KALRN: variants seen among roughly 807,000 people sequenced by gnomAD.
The protein encoded by KALRN is kalirin RhoGEF kinase.
A neutral mutation model predicts 353.7 loss-of-function variants in KALRN; 70 were observed. The observed-to-expected ratio is 0.20, with a 90% CI of 0.16 to 0.24. The LOEUF (loss-of-function observed/expected upper bound fraction) is 0.24, where lower values mean the gene tolerates loss of function less well. Among genes scored for constraint, KALRN ranks in the 10% least tolerant of loss-of-function variants. KALRN has a pLI of 1.00. For missense variants in KALRN, 2,791 were observed against 3,756.7 expected (o/e 0.74, Z 6.72); for synonymous variants, 1,391 against 1,434.8 (o/e 0.97, Z 0.69).
At chr3:124,564,177 C>A (rs1245296575) in intron 34 of KALRN, among the ~76,000 whole-genome samples, 1 of 143,592 alleles carries the variant, frequency 7.0e-6, no homozygotes, top group Non-Finnish European at 1.5e-5. Flanking sequence ...CGCACTCCAG[C>A]CTGGGCGACA....
In KALRN at chr3:124,269,885, C is replaced by T. The variant is rs372638230; in HGVS notation, c.969+630C>T. Among the ~76,000 whole-genome samples the T allele has an allele frequency of 3.9e-5, 6 of 152,306 alleles. No homozygotes were observed. In the East Asian group the frequency reaches 5.8e-4, roughly 15 times the overall value. Reference sequence around the variant, plus strand: ...ATCTGAATCCAGCATTTTTCTGTTTCTAAGTCCAGGGCTCTTCCTGCCATA... The same window carrying T: ...ATCTGAATCCAGCATTTTTCTGTTTTTAAGTCCAGGGCTCTTCCTGCCATA... On this transcript the variant is annotated intron_variant, in intron 5 of 59. Transcript: ENST00000682506.
chr3:124,252,288 T>C (rs9848185), intron 3 of KALRN, among the ~76,000 whole-genome samples: 8,785 of 152,126 alleles, frequency 0.058, 344 homozygotes, highest in South Asian at 0.093. Context: ...GACAGTTAGA[T>C]GCCTGGTCCA....
At chr3:124,417,845 T>G (rs933069974) in intron 14 of KALRN, among the ~76,000 whole-genome samples, 2 of 152,232 alleles carry the variant, frequency 1.3e-5, no homozygotes, top group Non-Finnish European at 2.9e-5. Context: ...TGGAAAGGGT[T>G]CAGTGAAGCT....
At chr3:124,443,078 G>C (rs774475126) in intron 19 of KALRN, among the ~76,000 whole-genome samples, 27 of 152,208 alleles carry the variant, frequency 1.8e-4, no homozygotes, top group Non-Finnish European at 2.6e-4. Context: ...TAATTTGTGT[G>C]TTCATAAAAT....
At chr3:124,396,015 A>G (rs2090116911) in intron 12 of KALRN, among the ~76,000 whole-genome samples, 1 of 152,182 alleles carries the variant, frequency 6.6e-6, no homozygotes, top group African/African-American at 2.4e-5. Context: ...TGCCCCTGTC[A>G]AGGACACTGG....
chr3:124,658,526 T>C lies in KALRN; in HGVS notation c.6123+9T>C, dbSNP rs1578731220. On this transcript the variant is annotated intron_variant, in intron 42 of 59. Coordinates refer to ENST00000682506, the MANE Select transcript of KALRN (RefSeq NM_001388419.1). ...ATGACGCCTACTTTGAGGTAAGCTGTGCAGGCTTTGCTGAACTGGGGTGGG... is the reference window on the plus strand; with the variant it reads ...ATGACGCCTACTTTGAGGTAAGCTGCGCAGGCTTTGCTGAACTGGGGTGGG... The C allele has an allele frequency of 3.1e-6, 5 of 1,611,148 alleles. No individual in the cohort carries two copies. Among genetic ancestry groups the C allele is most frequent in the Non-Finnish European group, 4.2e-6 (5 of 1,177,254 alleles).
At chr3:124,265,409 C>T (rs1431003602) in intron 4 of KALRN, among the ~76,000 whole-genome samples, 1 of 149,014 alleles carries the variant, frequency 6.7e-6, no homozygotes, top group African/African-American at 2.5e-5. Context: ...TCTCCTGCCT[C>T]AGCCTCCTGA....
At chr3:124,608,101 C>A (rs1395575433) in intron 34 of KALRN, among the ~76,000 whole-genome samples, 1 of 151,204 alleles carries the variant, frequency 6.6e-6, no homozygotes, top group Non-Finnish European at 1.5e-5. Context: ...CTCTGCCTGC[C>A]TGCTCAAGTG....
In KALRN at chr3:124,334,333, C is replaced by T; in HGVS notation, c.1485C>T (p.Ser495=). Residue 495 remains serine (S), a synonymous_variant, in exon 9 of 60, where the codon TCC becomes TCT. Transcript: ENST00000682506. The surrounding 1 kb of genome is among the most constrained non-coding windows in gnomAD (Gnocchi z 4.2). ...QRPLSPGNSE[S]LTATANYSKA... is the part of the protein sequence containing the mutation. ...CCCTGAGCCCTGGGAACTCCGAATC[C>T]CTCACGGCCACAGCCAACTACTCCA... 2 of 1,614,240 alleles carry T rather than the reference C, an allele frequency of 1.2e-6. No homozygotes were observed. Among genetic ancestry groups the T allele is most frequent in the Non-Finnish European group, 1.7e-6 (2 of 1,180,038 alleles).
chr3:124,286,449 T>C (rs1312371396), intron 5 of KALRN, among the ~76,000 whole-genome samples: 1 of 152,060 alleles, frequency 6.6e-6, no homozygotes, highest in Non-Finnish European at 1.5e-5. Context: ...GACAGGGTTT[T>C]GCTGTGTTGG....
intron 1 of KALRN, chr3:124,164,314 A>G (rs1169635921): frequency 6.6e-6 from 1 of 152,200 alleles, no homozygotes; most frequent in East Asian, 1.9e-4. Context: ...GCACATTTCA[A>G]GCCTTCAGGG....
intron 34 of KALRN, among the ~76,000 whole-genome samples, chr3:124,585,482 A>C (rs1394777703): frequency 6.6e-6 from 1 of 152,206 alleles, no homozygotes; most frequent in Non-Finnish European, 1.5e-5. Flanking sequence ...TCATTAATTA[A>C]CAACTCTCTC....
intron 1 of KALRN, among the ~76,000 whole-genome samples, chr3:124,207,129 G>A (rs2076478327): frequency 6.6e-6 from 1 of 152,238 alleles, no homozygotes. Flanking sequence ...TCCTGCAAGG[G>A]AGAGTCACCA....
intron 1 of KALRN, among the ~76,000 whole-genome samples, chr3:124,197,095 AT>A (rs552630951): frequency 2.5e-4 from 38 of 151,508 alleles, no homozygotes; most frequent in Non-Finnish European, 4.7e-4. Context: ...GACATTTTGG[AT>A]TTTTTTTTCA....
At chr3:124,248,636 A>T (rs554218530) in intron 3 of KALRN, among the ~76,000 whole-genome samples, 24 of 152,356 alleles carry the variant, frequency 1.6e-4, no homozygotes, top group African/African-American at 4.3e-4. Flanking sequence ...ACGTAATTCA[A>T]GCATGTGTCC....
intron 6 of KALRN, among the ~76,000 whole-genome samples, chr3:124,308,774 A>G (rs1049892252): frequency 6.6e-6 from 1 of 151,784 alleles, no homozygotes; most frequent in Non-Finnish European, 1.5e-5. Context: ...AAGAAGAGCA[A>G]ACGAAACCTA....
At position 124,413,530 on chromosome 3, in the gene KALRN, A is replaced by G; in HGVS notation, c.2407A>G (p.Thr803Ala). The G allele has an allele frequency of 6.2e-7, 1 of 1,614,182 alleles. No individual in the cohort carries two copies. ...GCTTCGGCAGATGAATGACTTCAAC[A>G]CAGAGGACCTAACCCTGGCAGAACA... ...DLLRQMNDFN[T>A]EDLTLAEQRL... The change falls in exon 14 of 60, where the codon ACA becomes GCA. Residue 803 changes from threonine (T) to alanine (A), a missense_variant. By Grantham distance (58) the Thr-to-Ala change is moderately conservative. Transcript: ENST00000682506.
chr3:124,485,552 G>T (rs567715087), intron 28 of KALRN, among the ~76,000 whole-genome samples: 1 of 152,290 alleles, frequency 6.6e-6, no homozygotes, highest in East Asian at 1.9e-4. Context: ...GCAGGAATTT[G>T]ATTGTGAGGA....
intron 34 of KALRN, among the ~76,000 whole-genome samples, chr3:124,570,941 G>A (rs1216758423): frequency 2.0e-5 from 3 of 152,164 alleles, no homozygotes; most frequent in African/African-American, 7.2e-5. Context: ...CATTACTTGA[G>A]CACTTCTAGG....
Sources: allele counts gnomAD v4.1 joint callset (sites outside exome capture counted in the v4.1 genomes callset), GRCh38; gene constraint gnomAD v4.1.1; non-coding constraint Gnocchi (gnomAD v3.1); transcripts MANE v1.5; gene names NCBI Gene and HGNC (gene_info 2026-07-23, HGNC 2026-07-21).